The following L3MBTL4 variants were observed in gnomAD, a reference collection of about 807,000 sequenced individuals.
The protein encoded by L3MBTL4 is L3MBTL histone methyl-lysine binding protein 4.
L3MBTL4 carries 70 observed loss-of-function variants against 84.5 expected under a neutral mutation model. The observed-to-expected ratio is 0.83, with a 90% confidence interval of 0.68 to 1.01. L3MBTL4 has a LOEUF of 1.01. L3MBTL4 is among the 50% of genes least tolerant of loss of function. The probability of loss-of-function intolerance (pLI) is 0.00; values close to 1 mark genes in which losing one functional copy is unlikely to be tolerated. For missense variants in L3MBTL4, 715 were observed against 754.8 expected, an observed-to-expected ratio of 0.95 and a Z score of 0.62; for synonymous variants, 274 against 259.8, an observed-to-expected ratio of 1.05 and a Z score of -0.52.
chr18:6,357,320 A>G (rs2053491762), intron 1 of L3MBTL4, among the ~76,000 whole-genome samples: 1 of 152,180 alleles, frequency 6.6e-6, no homozygotes, highest in Non-Finnish European at 1.5e-5. Context: ...ATTCCTAAGT[A>G]TTTATTGGGT....
At chr18:6,368,301 G>A (rs7227537) in intron 1 of L3MBTL4, among the ~76,000 whole-genome samples, 9,039 of 152,100 alleles carry the variant, frequency 0.059, 635 homozygotes, top group African/African-American at 0.17. Flanking sequence ...GCGAGCAAGG[G>A]AGAGAAAACA....
chr18:6,403,708 A>T (rs535149494), intron 1 of L3MBTL4, among the ~76,000 whole-genome samples: 94 of 152,370 alleles, frequency 6.2e-4, no homozygotes, highest in Non-Finnish European at 1.0e-3. Flanking sequence ...TTATCAAAAC[A>T]CTAAAACTAC....
At chr18:6,196,316 C>A (rs1293485462) in intron 12 of L3MBTL4, among the ~76,000 whole-genome samples, 2 of 152,098 alleles carry the variant, frequency 1.3e-5, no homozygotes, top group Non-Finnish European at 1.5e-5. Flanking sequence ...CGCCACCACG[C>A]CCGTCTAATT....
intron 16 of L3MBTL4, among the ~76,000 whole-genome samples, chr18:5,985,440 C>T (rs755497202): frequency 4.6e-5 from 7 of 152,144 alleles, no homozygotes; most frequent in Non-Finnish European, 1.0e-4. Flanking sequence ...GCCCAACACT[C>T]AGGCAGTGCT....
intron 14 of L3MBTL4, among the ~76,000 whole-genome samples, chr18:6,136,225 A>G (rs1158890891): frequency 6.6e-6 from 1 of 152,196 alleles, no homozygotes; most frequent in Non-Finnish European, 1.5e-5. Context: ...GATTTGAGTG[A>G]GGATACAGCC....
chr18:6,350,574 A>G (rs1304046722), intron 1 of L3MBTL4, among the ~76,000 whole-genome samples: 1 of 152,122 alleles, frequency 6.6e-6, no homozygotes, highest in East Asian at 1.9e-4. Context: ...ACGGAAAACA[A>G]AAAGTGTTGA....
At chr18:6,375,903 A>G (rs2054347482) in intron 1 of L3MBTL4, among the ~76,000 whole-genome samples, 1 of 152,202 alleles carries the variant, frequency 6.6e-6, no homozygotes, top group Non-Finnish European at 1.5e-5. Context: ...AGGCGAGGGC[A>G]CTAGTTTAGG....
At chr18:6,131,891 A>G (rs1358972732) in intron 14 of L3MBTL4, among the ~76,000 whole-genome samples, 1 of 152,208 alleles carries the variant, frequency 6.6e-6, no homozygotes, top group Non-Finnish European at 1.5e-5. Context: ...ATTATGAATG[A>G]TATCAATTTT....
intron 15 of L3MBTL4, among the ~76,000 whole-genome samples, chr18:6,090,107 C>T (rs561228253): frequency 2.7e-4 from 41 of 152,074 alleles, no homozygotes; most frequent in East Asian, 1.4e-3. Flanking sequence ...TAATGCACCA[C>T]GAATGTAATA....
chr18:6,036,497 C>T (rs2056147706), intron 16 of L3MBTL4, among the ~76,000 whole-genome samples: 1 of 151,984 alleles, frequency 6.6e-6, no homozygotes, highest in Non-Finnish European at 1.5e-5. Context: ...TTGATATTTC[C>T]ATTTTGTTAA....
intron 18 of L3MBTL4, among the ~76,000 whole-genome samples, chr18:5,958,088 GA>G (rs1567911342): frequency 1.5e-5 from 1 of 68,580 alleles, no homozygotes; most frequent in East Asian, 1.2e-3. Flanking sequence ...AGAAGAAGAA[GA>G]AGAAGAAGAA....
At chr18:6,013,915 T>C (rs532126583) in intron 16 of L3MBTL4, among the ~76,000 whole-genome samples, 1 of 152,206 alleles carries the variant, frequency 6.6e-6, no homozygotes, top group Non-Finnish European at 1.5e-5. Flanking sequence ...TACCAGGTCT[T>C]TCCTGGTAGA....
intron 15 of L3MBTL4, among the ~76,000 whole-genome samples, chr18:6,087,864 T>A (rs982698851): frequency 5.3e-5 from 8 of 152,216 alleles, no homozygotes; most frequent in Admixed American, 5.2e-4. Flanking sequence ...TGTCTATATC[T>A]ACCTACATCT....
intron 15 of L3MBTL4, among the ~76,000 whole-genome samples, chr18:6,092,363 C>T (rs760967665): frequency 2.6e-5 from 4 of 152,178 alleles, no homozygotes; most frequent in South Asian, 2.1e-4. Context: ...GGAGCACCTC[C>T]CCACCTGGGA....
At chr18:5,976,760 G>A (rs1380823860) in intron 16 of L3MBTL4, among the ~76,000 whole-genome samples, 1 of 152,148 alleles carries the variant, frequency 6.6e-6, no homozygotes, top group Non-Finnish European at 1.5e-5. Flanking sequence ...AACGCACGCA[G>A]GCCAGAAGGC....
chr18:6,183,531 TGA>T (rs1348594016), intron 12 of L3MBTL4, among the ~76,000 whole-genome samples: 6 of 152,220 alleles, frequency 3.9e-5, no homozygotes, highest in African/African-American at 1.4e-4. Flanking sequence ...TGATTTGTCC[TGA>T]GATTCTGAAT....
intron 10 of L3MBTL4, among the ~76,000 whole-genome samples, chr18:6,233,577 G>C: frequency 6.6e-6 from 1 of 151,238 alleles, no homozygotes; most frequent in Non-Finnish European, 1.5e-5. Context: ...TTGCTTCCAA[G>C]AGAATAAAAT....
chr18:6,063,719 C>A (rs1358466750), intron 16 of L3MBTL4, among the ~76,000 whole-genome samples: 2 of 151,096 alleles, frequency 1.3e-5, no homozygotes, highest in Non-Finnish European at 3.0e-5. Context: ...TTTTTTCTTG[C>A]TGATTTGTTT....
intron 5 of L3MBTL4, among the ~76,000 whole-genome samples, chr18:6,255,141 G>C (rs1262140726): frequency 6.6e-6 from 1 of 152,166 alleles, no homozygotes; most frequent in Non-Finnish European, 1.5e-5. Flanking sequence ...AAATAGACAA[G>C]GATACTTCTA....
Sources: allele counts gnomAD v4.1 joint callset (sites outside exome capture counted in the v4.1 genomes callset), GRCh38; gene constraint gnomAD v4.1.1; transcripts MANE v1.5; gene names NCBI Gene and HGNC (gene_info 2026-07-23, HGNC 2026-07-21).